UBR1: variants seen among roughly 807,000 people sequenced by gnomAD.
UBR1 encodes the protein ubiquitin protein ligase E3 component n-recognin 1.
In UBR1, 102 loss-of-function variants were observed where a neutral mutation model predicts 242.1. The observed-to-expected ratio is 0.42, with a 90% CI of 0.36 to 0.50. UBR1 has a LOEUF of 0.50. UBR1 is among the 20% of genes least tolerant of loss of function. The pLI, the probability that UBR1 is intolerant of heterozygous loss-of-function variation, is 0.01. For missense variants in UBR1, 1,772 were observed against 2,101.8 expected (o/e 0.84, Z 3.07); for synonymous variants, 675 against 684.8 (o/e 0.99, Z 0.22).
chr15:42,978,459 C>T (rs2032322944), intron 37 of UBR1, among the ~76,000 whole-genome samples: 1 of 152,140 alleles, frequency 6.6e-6, no homozygotes, highest in South Asian at 2.1e-4. Context: ...ATGCAAACAG[C>T]TCAAAAGCTA....
intron 2 of UBR1, 103 bp from the exon 3 acceptor site, chr15:43,082,819 A>C (rs983533050): frequency 2.4e-6 from 2 of 824,190 alleles, no homozygotes; most frequent in Admixed American, 3.8e-5. Context: ...ATGGTACACA[A>C]ACTGAATATG....
intron 1 of UBR1, among the ~76,000 whole-genome samples, chr15:43,088,712 A>G (rs1433739211): frequency 1.3e-5 from 2 of 152,100 alleles, no homozygotes; most frequent in Non-Finnish European, 2.9e-5. Flanking sequence ...AGGAGAAACA[A>G]CAAACTATTA....
intron 4 of UBR1, among the ~76,000 whole-genome samples, chr15:43,073,955 G>C (rs532514333): frequency 1.1e-4 from 17 of 152,146 alleles, no homozygotes; most frequent in African/African-American, 3.6e-4. Flanking sequence ...TTTAAAGAGC[G>C]CAAAAACTAT....
intron 29 of UBR1, among the ~76,000 whole-genome samples, chr15:43,010,905 G>A (rs1446736317): frequency 6.6e-6 from 1 of 151,124 alleles, no homozygotes; most frequent in East Asian, 1.9e-4. Context: ...AGGGAGAATC[G>A]CTTGAACCCA....
chr15:43,020,242 T>C (rs1332068047), intron 27 of UBR1, among the ~76,000 whole-genome samples: 2 of 151,840 alleles, frequency 1.3e-5, no homozygotes, highest in Non-Finnish European at 2.9e-5. Context: ...GGTTTCACCA[T>C]GTTAGCCAGA....
At chr15:43,082,874 T>C (rs897380990) in intron 2 of UBR1, among the ~76,000 whole-genome samples, 158 bp from the exon 3 acceptor site, 2 of 152,244 alleles carry the variant, frequency 1.3e-5, no homozygotes, top group African/African-American at 2.4e-5. Context: ...TGAACAAAGA[T>C]AATATTGCTA....
rs375801185 is a variant in UBR1, at chr15:42,976,705, T to G, written c.4369+12A>C. 1.9e-6 allele frequency: 3 copies of G among 1,613,980 alleles called. No homozygotes were observed. In the East Asian group the frequency reaches 6.7e-5, roughly 36 times the overall value. ...ATGTTATTCACAGTCAACACCCAGATGAAAACCTTACCTGTGTCTACTGTA... is the reference window on the plus strand; with the variant it reads ...ATGTTATTCACAGTCAACACCCAGAGGAAAACCTTACCTGTGTCTACTGTA... On this transcript the variant is annotated intron_variant, in intron 39 of 46. Coordinates refer to ENST00000290650, the MANE Select transcript of UBR1 (RefSeq NM_174916.3).
intron 42 of UBR1, among the ~76,000 whole-genome samples, chr15:42,963,487 C>T (rs992332524): frequency 1.3e-5 from 2 of 152,132 alleles, no homozygotes; most frequent in African/African-American, 2.4e-5. Flanking sequence ...GGACACATTT[C>T]TCTCTTGGAA....
chr15:43,041,456 G>A (rs974444478), intron 15 of UBR1, among the ~76,000 whole-genome samples: 1 of 152,038 alleles, frequency 6.6e-6, no homozygotes, highest in African/African-American at 2.4e-5. Flanking sequence ...GGTTGGGGGA[G>A]GGGCCCCCAA....
At chr15:43,022,952 T>G in intron 25 of UBR1, 151 bp from the exon 26 acceptor site, 1 of 541,288 alleles carries the variant, frequency 1.8e-6, no homozygotes. Context: ...AGCCTTAAGC[T>G]CTTGGGCTCA....
chr15:43,095,542 T>TTAA (rs2034149684), intron 1 of UBR1, among the ~76,000 whole-genome samples: 2 of 117,514 alleles, frequency 1.7e-5, no homozygotes. Flanking sequence ...GTGACAACAT[T>TTAA]AAAAAAAAAA....
intron 37 of UBR1, among the ~76,000 whole-genome samples, chr15:42,982,956 G>A (rs1023148952): frequency 1.3e-5 from 2 of 152,134 alleles, no homozygotes; most frequent in Admixed American, 1.3e-4. Flanking sequence ...GACTTCAAAT[G>A]CACAGATGGA....
In UBR1 at chr15:42,970,726, C is replaced by CT. The variant is rs879184221; in HGVS notation, c.4370-120dup. ...AGATTCATTCAACTGAGGTTCTTTC[C>CT]TTTTTTTTTTTTTGAGACAGAGTTT... On this transcript the variant is annotated intron_variant, in intron 39 of 46. Coordinates refer to ENST00000290650, the MANE Select transcript of UBR1 (RefSeq NM_174916.3). 0.11 allele frequency: 76,089 copies of CT among 698,268 alleles called. 127 individuals carry two copies. The highest frequency in any genetic ancestry group is 0.12 in the South Asian group (6,005 of 51,534). The allele number at this position is 698,268 out of a possible 1,614,324, so 43.3% of individuals were successfully genotyped here. A position where few individuals can be genotyped will look rare whatever the true frequency, so the allele number is the denominator to read the frequency against.
chr15:43,017,831 A>C (rs1279492020), intron 27 of UBR1, among the ~76,000 whole-genome samples: 2 of 151,632 alleles, frequency 1.3e-5, no homozygotes, highest in Non-Finnish European at 2.9e-5. Context: ...AAAGATACAA[A>C]ATGGAAAGTA....
chr15:42,981,539 G>GA (rs1158553280), intron 37 of UBR1, among the ~76,000 whole-genome samples: 1 of 151,976 alleles, frequency 6.6e-6, no homozygotes, highest in African/African-American at 2.4e-5. Context: ...GCCCATGTTG[G>GA]AGTGCAGTGT....
In UBR1 at chr15:42,959,857, T is replaced by C. The variant is rs569385154; in HGVS notation, c.4757+788A>G. Among the ~76,000 whole-genome samples the C allele has an allele frequency of 5.8e-4, 88 of 152,246 alleles. 1 individual carries two copies. The South Asian group carries it at 0.017, about 30-fold the overall frequency. On this transcript the variant is annotated intron_variant, in intron 43 of 46. Transcript: ENST00000290650. ...AAAGGAGTTCCAGGGTGAGAGAAGA[T>C]GAGAAAAGGCGGCAAATGTGCACTG... is the stretch of plus-strand genomic sequence containing the variant.
chr15:43,055,745 T>C (rs1315918209), intron 11 of UBR1, among the ~76,000 whole-genome samples: 1 of 151,948 alleles, frequency 6.6e-6, no homozygotes, highest in Non-Finnish European at 1.5e-5. Context: ...TGAAACCCCG[T>C]CTCTACTAAA....
intron 26 of UBR1, among the ~76,000 whole-genome samples, chr15:43,021,982 C>T (rs1184717606): frequency 6.6e-6 from 1 of 151,968 alleles, no homozygotes; most frequent in Non-Finnish European, 1.5e-5. Context: ...TGAAAGCTAC[C>T]CTAAATATCT....
rs370164043 is a variant in UBR1 at position 42,976,744 on chromosome 15, G to A, written c.4342C>T (p.Leu1448Phe). ...LFHLITMAHM[L>F]QILLTVDTGL... ...GTGTCTACTGTAAGTAGTATCTGAA[G>A]CATGTGTGCCATGGTGATCAAATGG... Residue 1448 changes from leucine to phenylalanine, a missense_variant, in exon 39 of 47, where the codon CTT becomes TTT. This residue lies in a region of UBR1 where 965 missense variants were observed against 1,079.7 expected (regional missense o/e 0.89). Transcript: ENST00000290650. 5 of 1,613,950 alleles carry A rather than the reference G, an allele frequency of 3.1e-6. No individual in the cohort carries two copies. In the African/African-American group the frequency reaches 5.3e-5, roughly 17 times the overall value.
Sources: gnomAD v4.1 joint callset for allele counts (sites outside exome capture counted in the v4.1 genomes callset) on GRCh38, gnomAD v4.1.1 for gene constraint, gnomAD v4.1.1 regional missense constraint, MANE v1.5 for transcripts, NCBI Gene and HGNC (gene_info 2026-07-23, HGNC 2026-07-21) for gene names.